Variants in CNTNAP2 observed in about 807,000 individuals in gnomAD.
The protein encoded by CNTNAP2 is contactin associated protein 2, also known as contactin-associated protein-like 2.
A neutral mutation model predicts 155.2 loss-of-function variants in CNTNAP2; 98 were observed. That is an observed-to-expected ratio of 0.63 (90% CI 0.54 to 0.75). The LOEUF (loss-of-function observed/expected upper bound fraction) is 0.75. CNTNAP2 is among the 30% of genes least tolerant of loss of function. CNTNAP2 has a pLI of 0.00. For missense variants in CNTNAP2, 1,727 were observed against 1,688.1 expected (o/e 1.02, Z -0.40); for synonymous variants, 651 against 631.2 (o/e 1.03, Z -0.47).
chr7:147,033,254 A>G (rs2129250931), intron 3 of CNTNAP2, among the ~76,000 whole-genome samples: 1 of 148,046 alleles, frequency 6.8e-6, no homozygotes, highest in Middle Eastern at 3.5e-3. Flanking sequence ...GCAATAAAAA[A>G]GAGTGTATTT....
chr7:146,287,592 G>A (rs1039476372), intron 1 of CNTNAP2, among the ~76,000 whole-genome samples: 9 of 152,052 alleles, frequency 5.9e-5, no homozygotes, highest in Admixed American at 4.6e-4. Flanking sequence ...TTCAACAGAC[G>A]CTCATCTTTT....
intron 1 of CNTNAP2, among the ~76,000 whole-genome samples, chr7:146,636,547 C>T (rs1325197777): frequency 1.3e-5 from 2 of 152,136 alleles, no homozygotes; most frequent in Non-Finnish European, 2.9e-5. Flanking sequence ...TACTTAGCAA[C>T]TTTGTACTAG....
intron 2 of CNTNAP2, among the ~76,000 whole-genome samples, chr7:146,797,758 A>G (rs1282728589): frequency 6.6e-6 from 1 of 152,234 alleles, no homozygotes; most frequent in Non-Finnish European, 1.5e-5. Context: ...TCACTAAGAT[A>G]CGTCCTGGCA....
chr7:147,156,618 A>C (rs1305192665), intron 8 of CNTNAP2, among the ~76,000 whole-genome samples: 1 of 152,116 alleles, frequency 6.6e-6, no homozygotes, highest in Non-Finnish European at 1.5e-5. Context: ...GTCTTAAAAG[A>C]ATTTTGAGAG....
chr7:146,750,723 GGCATGGCCAGAAATGTA>G (rs1223856417), intron 1 of CNTNAP2, among the ~76,000 whole-genome samples: 6 of 152,192 alleles, frequency 3.9e-5, no homozygotes, highest in African/African-American at 1.4e-4. Context: ...TTTGAGAGGT[GGCATGGCCAGAAATGTA>G]TATAGTGATT....
intron 18 of CNTNAP2, among the ~76,000 whole-genome samples, chr7:148,191,813 C>T (rs953782830): frequency 2.6e-5 from 4 of 152,098 alleles, no homozygotes; most frequent in African/African-American, 9.7e-5. Context: ...TGATGGGAGA[C>T]AAAAACATCT....
chr7:147,744,970 A>C (rs1331216738), intron 13 of CNTNAP2, among the ~76,000 whole-genome samples: 1 of 152,198 alleles, frequency 6.6e-6, no homozygotes, highest in East Asian at 1.9e-4. Flanking sequence ...AACCAGAAAA[A>C]TAGAAGATCA....
chr7:147,564,271 T>TA (rs34706533), intron 12 of CNTNAP2, among the ~76,000 whole-genome samples: 35,968 of 151,938 alleles, frequency 0.24, 5,141 homozygotes, highest in Non-Finnish European at 0.32. Context: ...CCAGTTTAAT[T>TA]TTTTTTTCTA....
In CNTNAP2 at chr7:147,565,341, C is replaced by T. The variant is rs569804950; in HGVS notation, c.1897+3084C>T. Among the ~76,000 whole-genome samples, 15 of 152,084 alleles carry T rather than the reference C, an allele frequency of 9.9e-5. No individual in the cohort carries two copies. In the East Asian group the frequency reaches 2.5e-3, roughly 26 times the overall value. ...GTGGGGGCAGGCCAGAGCAGACCAG[C>T]CATAAGGAGTGTAGGGCAGAAAAAA... On this transcript the variant is annotated intron_variant, in intron 12 of 23. Transcript: ENST00000361727.
At chr7:148,376,215 A>G (rs1798978684) in intron 21 of CNTNAP2, among the ~76,000 whole-genome samples, 1 of 66,346 alleles carries the variant, frequency 1.5e-5, no homozygotes, top group African/African-American at 3.7e-5. Context: ...AAAAAGATTT[A>G]TGAGTTAAAA....
chr7:146,441,894 A>T (rs985583635), intron 1 of CNTNAP2, among the ~76,000 whole-genome samples: 1 of 151,808 alleles, frequency 6.6e-6, no homozygotes, highest in East Asian at 1.9e-4. Context: ...ATTGGAAAAG[A>T]TAAAACATGT....
intron 13 of CNTNAP2, among the ~76,000 whole-genome samples, chr7:147,855,509 C>T (rs943523774): frequency 7.9e-6 from 1 of 126,224 alleles, no homozygotes; most frequent in African/African-American, 3.0e-5. Flanking sequence ...AGTGTAGGCT[C>T]GGCATGGTGG....
At chr7:146,897,365 G>A (rs1430177501) in intron 3 of CNTNAP2, among the ~76,000 whole-genome samples, 2 of 152,056 alleles carry the variant, frequency 1.3e-5, no homozygotes, top group Non-Finnish European at 2.9e-5. Flanking sequence ...TGGTGCTTTA[G>A]GAAAATCCTG....
At chr7:148,049,125 G>A (rs1435883094) in intron 15 of CNTNAP2, among the ~76,000 whole-genome samples, 6 of 152,186 alleles carry the variant, frequency 3.9e-5, no homozygotes, top group Non-Finnish European at 8.8e-5. Flanking sequence ...TGAGGCAGAA[G>A]AATCACTTGA....
At chr7:147,958,290 G>GA (rs1357888053) in intron 14 of CNTNAP2, among the ~76,000 whole-genome samples, 10 of 152,192 alleles carry the variant, frequency 6.6e-5, no homozygotes, top group Non-Finnish European at 1.3e-4. Flanking sequence ...GAATACTAGA[G>GA]AAAAAATATT....
At chr7:148,266,656 C>T (rs1365010913) in intron 20 of CNTNAP2, among the ~76,000 whole-genome samples, 5 of 151,982 alleles carry the variant, frequency 3.3e-5, no homozygotes, top group Admixed American at 6.6e-5. Flanking sequence ...AAAATGTTTC[C>T]GCAAAACTTC....
chr7:148,343,166 C>G, intron 21 of CNTNAP2, among the ~76,000 whole-genome samples: 1 of 152,212 alleles, frequency 6.6e-6, no homozygotes, highest in East Asian at 1.9e-4. Flanking sequence ...ATTTCGTAAC[C>G]ACTACCTCAG....
intron 9 of CNTNAP2, among the ~76,000 whole-genome samples, chr7:147,353,311 C>T (rs982915490): frequency 6.6e-5 from 10 of 151,876 alleles, no homozygotes; most frequent in Non-Finnish European, 8.8e-5. Flanking sequence ...CCCTACTCCC[C>T]GACAGGCCCC....
At chr7:147,113,981 T>G (rs1195770791) in intron 5 of CNTNAP2, among the ~76,000 whole-genome samples, 1 of 152,090 alleles carries the variant, frequency 6.6e-6, no homozygotes, top group Non-Finnish European at 1.5e-5. Flanking sequence ...TAACACTGCT[T>G]TAACTGCATC....
Sources: gnomAD v4.1 joint callset for allele counts (sites outside exome capture counted in the v4.1 genomes callset) on GRCh38, gnomAD v4.1.1 for gene constraint, MANE v1.5 for transcripts, NCBI Gene and HGNC (gene_info 2026-07-23, HGNC 2026-07-21) for gene names.